The following PDE4D variants were observed in gnomAD, a reference collection of about 807,000 sequenced individuals.
PDE4D encodes 3',5'-cyclic-AMP phosphodiesterase 4D.
A neutral mutation model predicts 87.4 loss-of-function variants in PDE4D; 24 were observed. The observed-to-expected ratio is 0.27, with a 90% CI of 0.20 to 0.39. The LOEUF is 0.39. Among genes scored for constraint, PDE4D ranks in the 10% least tolerant of loss-of-function variants. The pLI is 1.00. For synonymous variants in PDE4D, 384 were observed against 383.2 expected, an observed-to-expected ratio of 1.00 and a Z score of -0.02; for missense variants, 714 against 1,041.0, an observed-to-expected ratio of 0.69 and a Z score of 4.32.
rs1742294100 is a variant in PDE4D, at chr5:58,969,798, T to C, written c.*4866A>G. On this transcript the variant is annotated 3_prime_UTR_variant, in exon 15 of 15. Transcript: ENST00000340635. The stretch of plus-strand genomic sequence containing the variant: ...TCAAGTATCTGAATAATTTTCAATA[T>C]CCCAGAATATTCAATTAAGTAAGTA... The C allele has an allele frequency of 6.6e-6, 1 of 152,142 alleles. No individual in the cohort carries two copies. Among genetic ancestry groups the C allele is most frequent in the Non-Finnish European group, 1.5e-5 (1 of 68,018 alleles). 9.4% of individuals were successfully genotyped at this position (152,142 alleles called of 1,614,324 possible).
intron 1 of PDE4D, among the ~76,000 whole-genome samples, chr5:60,218,656 C>T (rs149989532): frequency 2.6e-5 from 4 of 152,010 alleles, no homozygotes; most frequent in Non-Finnish European, 1.5e-5. Context: ...ACTGTGAAGT[C>T]CACATTTCTT....
intron 1 of PDE4D, among the ~76,000 whole-genome samples, chr5:59,594,937 T>TG (rs1554038168): frequency 3.9e-5 from 6 of 151,972 alleles, no homozygotes; most frequent in Non-Finnish European, 8.8e-5. Flanking sequence ...ACCACTTTTG[T>TG]GGGGGGGATA....
intron 1 of PDE4D, among the ~76,000 whole-genome samples, chr5:60,337,382 T>C (rs1370834306): frequency 0.069 from 8,055 of 116,354 alleles, 1,098 homozygotes; most frequent in African/African-American, 0.28. Context: ...TATATATATA[T>C]ATATATACAC....
chr5:59,438,967 C>G (rs181313741), intron 1 of PDE4D, among the ~76,000 whole-genome samples: 2 of 152,268 alleles, frequency 1.3e-5, no homozygotes, highest in Admixed American at 6.5e-5. Context: ...TAAATCCATA[C>G]AGCAGTGAAA....
intron 1 of PDE4D, among the ~76,000 whole-genome samples, chr5:60,245,678 A>T (rs1747675677): frequency 6.6e-6 from 1 of 152,044 alleles, no homozygotes; most frequent in Non-Finnish European, 1.5e-5. Context: ...CCAGACACAG[A>T]AAGACAAACT....
chr5:58,986,008 C>T (rs1232661045), intron 11 of PDE4D, among the ~76,000 whole-genome samples: 1 of 151,806 alleles, frequency 6.6e-6, no homozygotes, highest in Non-Finnish European at 1.5e-5. Flanking sequence ...CTGATTCATT[C>T]CCTCAGGAAT....
intron 6 of PDE4D, among the ~76,000 whole-genome samples, chr5:59,005,431 CT>C (rs1751408240): frequency 6.6e-6 from 1 of 152,154 alleles, no homozygotes; most frequent in Non-Finnish European, 1.5e-5. Context: ...AATAAGAAAT[CT>C]TTTCAAAAAT....
At chr5:60,037,316 A>G (rs534159170) in intron 2 of PDE4D, among the ~76,000 whole-genome samples, 1 of 152,316 alleles carries the variant, frequency 6.6e-6, no homozygotes, top group African/African-American at 2.4e-5. Flanking sequence ...TGAACATAAC[A>G]TTTCAATGGA....
chr5:59,658,476 G>T (rs988482994), intron 1 of PDE4D, among the ~76,000 whole-genome samples: 1 of 152,108 alleles, frequency 6.6e-6, no homozygotes, highest in Admixed American at 6.5e-5. Flanking sequence ...CTGCCTTCTG[G>T]GTTCACGCCA....
intron 1 of PDE4D, among the ~76,000 whole-genome samples, chr5:60,293,139 GA>G (rs776553383): frequency 3.6e-4 from 53 of 149,004 alleles, no homozygotes; most frequent in African/African-American, 1.3e-3. Context: ...CCCCTTATCA[GA>G]AAAAAAAATT....
Position 59,079,362 on chromosome 5 carries a change from ATT to A in PDE4D, c.809-40393_809-40392del, listed in dbSNP as rs201471034. On this transcript the variant is annotated intron_variant, in intron 5 of 14. Coordinates refer to ENST00000340635, the MANE Select transcript of PDE4D (RefSeq NM_001104631.2). Reference sequence around the variant, plus strand: ...AGAAAATTAAGAAAAAGCATGCATAATTTCACAAACCAATGGTAGCCACTGTA... The same window carrying A: ...AGAAAATTAAGAAAAAGCATGCATAATCACAAACCAATGGTAGCCACTGTA... Among the ~76,000 whole-genome samples, 65 of 152,306 alleles carry A rather than the reference ATT, an allele frequency of 4.3e-4. No homozygotes were observed. The East Asian group carries it at 0.012, about 28-fold the overall frequency.
intron 1 of PDE4D, among the ~76,000 whole-genome samples, chr5:59,649,049 C>A (rs186484426): frequency 6.6e-6 from 1 of 152,144 alleles, no homozygotes; most frequent in Non-Finnish European, 1.5e-5. Context: ...TTAAATTCTA[C>A]GATTCTATGA....
chr5:59,344,785 C>T (rs567804376), intron 1 of PDE4D, among the ~76,000 whole-genome samples: 3 of 152,244 alleles, frequency 2.0e-5, no homozygotes, highest in Non-Finnish European at 2.9e-5. Context: ...CCTTAGAATA[C>T]GTTTGATATT....
At chr5:59,788,649 A>C (rs551516854) in intron 1 of PDE4D, among the ~76,000 whole-genome samples, 50 of 152,352 alleles carry the variant, frequency 3.3e-4, no homozygotes, top group African/African-American at 1.2e-3. Context: ...GTGGAAGAGC[A>C]GTGGTTCCAA....
intron 1 of PDE4D, among the ~76,000 whole-genome samples, chr5:59,235,978 C>A (rs1417085997): frequency 6.6e-6 from 1 of 152,118 alleles, no homozygotes; most frequent in South Asian, 2.1e-4. Flanking sequence ...AAGAATATTT[C>A]AGAAAAATAT....
intron 1 of PDE4D, chr5:60,460,377 T>C: frequency 9.9e-7 from 1 of 1,014,996 alleles, no homozygotes; most frequent in Non-Finnish European, 1.6e-6. Context: ...TCATTTCAAC[T>C]CTGCTCAAAT....
intron 5 of PDE4D, among the ~76,000 whole-genome samples, chr5:59,061,369 G>A (rs549398751): frequency 1.3e-5 from 2 of 152,162 alleles, no homozygotes; most frequent in Admixed American, 6.6e-5. Context: ...TGAGGTTACG[G>A]ACCATGACTA....
intron 1 of PDE4D, among the ~76,000 whole-genome samples, chr5:59,535,864 C>T (rs2153681821): frequency 6.6e-6 from 1 of 152,280 alleles, no homozygotes; most frequent in South Asian, 2.1e-4. Flanking sequence ...ATGGCAGGTC[C>T]TGGAAATCCT....
At chr5:59,686,327 T>C (rs902728301) in intron 1 of PDE4D, among the ~76,000 whole-genome samples, 1 of 152,148 alleles carries the variant, frequency 6.6e-6, no homozygotes, top group Non-Finnish European at 1.5e-5. Flanking sequence ...ACTATTATTA[T>C]ACCTATTGTA....
Sources: allele counts gnomAD v4.1 joint callset (sites outside exome capture counted in the v4.1 genomes callset), GRCh38; gene constraint gnomAD v4.1.1; transcripts MANE v1.5; gene names NCBI Gene and HGNC (gene_info 2026-07-23, HGNC 2026-07-21).